The following RNF220 variants were observed in gnomAD, a reference collection of about 807,000 sequenced individuals.
RNF220 encodes E3 ubiquitin-protein ligase RNF220.
A neutral mutation model predicts 67.1 loss-of-function variants in RNF220; 7 were observed. The observed-to-expected ratio is 0.10, with a 90% CI of 0.06 to 0.20. The LOEUF is 0.20. RNF220 is among the 10% of genes least tolerant of loss of function. The pLI, the probability that RNF220 is intolerant of heterozygous loss-of-function variation, is 1.00. For synonymous variants in RNF220, 270 were observed against 283.2 expected (o/e 0.95, Z 0.47); for missense variants, 565 against 740.3 (o/e 0.76, Z 2.75).
intron 2 of RNF220, among the ~76,000 whole-genome samples, chr1:44,566,724 G>T (rs749348360): frequency 1.3e-5 from 2 of 151,966 alleles, no homozygotes; most frequent in African/African-American, 4.8e-5. Context: ...TTTGGAGGGC[G>T]GCTGCTAATG....
intron 2 of RNF220, among the ~76,000 whole-genome samples, chr1:44,598,079 C>G (rs1319882854): frequency 6.6e-6 from 1 of 152,074 alleles, no homozygotes; most frequent in Admixed American, 6.5e-5. Context: ...GTCAGGCCTC[C>G]AGATGTGCTC....
intron 2 of RNF220, among the ~76,000 whole-genome samples, chr1:44,566,831 T>A (rs774837736): frequency 1.3e-5 from 2 of 152,154 alleles, no homozygotes; most frequent in Non-Finnish European, 2.9e-5. Flanking sequence ...CAGTGACCTG[T>A]GGTCAAGAGG....
chr1:44,549,323 GAA>G (rs1662430321), intron 2 of RNF220, among the ~76,000 whole-genome samples: 1 of 152,236 alleles, frequency 6.6e-6, no homozygotes, highest in Non-Finnish European at 1.5e-5. Flanking sequence ...GAGGCTCTCT[GAA>G]CAATTGCTAA....
At position 44,426,401 on chromosome 1, in the gene RNF220, C is replaced by T. The variant is rs1304585158; in HGVS notation, c.625+13679C>T. 2.6e-5 allele frequency among the ~76,000 whole-genome samples: 4 copies of T among 152,082 alleles called. No homozygotes were observed. The East Asian group carries it at 7.7e-4, about 29-fold the overall frequency. On this transcript the variant is annotated intron_variant, in intron 2 of 14. Coordinates refer to ENST00000361799, the MANE Select transcript of RNF220 (RefSeq NM_018150.4). ...AAGATCTTTAGAAGTTAAAGCTGGG[C>T]CAGGAGGATTGGAAAGAGCAAGAAT...
chr1:44,511,446 AGT>A (rs1203629365), intron 2 of RNF220, among the ~76,000 whole-genome samples: 1 of 152,196 alleles, frequency 6.6e-6, no homozygotes, highest in East Asian at 1.9e-4. Flanking sequence ...AATGAAGAGA[AGT>A]GGGAGATTCA....
intron 2 of RNF220, among the ~76,000 whole-genome samples, chr1:44,508,752 G>C (rs1658675408): frequency 6.6e-6 from 1 of 152,188 alleles, no homozygotes; most frequent in Non-Finnish European, 1.5e-5. Context: ...GTGACCAGAA[G>C]AGGGCTTTCA....
intron 2 of RNF220, among the ~76,000 whole-genome samples, chr1:44,464,687 C>T (rs1266955505): frequency 6.6e-6 from 1 of 152,168 alleles, no homozygotes; most frequent in South Asian, 2.1e-4. Context: ...TCATTCAGTC[C>T]TCAACCCACG....
chr1:44,489,212 AAC>A (rs1192405668), intron 2 of RNF220, among the ~76,000 whole-genome samples: 2 of 152,192 alleles, frequency 1.3e-5, no homozygotes, highest in African/African-American at 4.8e-5. Flanking sequence ...CAAGTTCTAA[AAC>A]ACTGCTGGAG....
At chr1:44,572,214 ACTAC>A (rs1664490251) in intron 2 of RNF220, among the ~76,000 whole-genome samples, 1 of 152,224 alleles carries the variant, frequency 6.6e-6, no homozygotes, top group South Asian at 2.1e-4. Flanking sequence ...GTGACATTTG[ACTAC>A]CTTTGTGGCA....
intron 2 of RNF220, among the ~76,000 whole-genome samples, chr1:44,430,843 C>T (rs1650292235): frequency 6.6e-6 from 1 of 152,182 alleles, no homozygotes; most frequent in African/African-American, 2.4e-5. Context: ...CCACGCCCAG[C>T]CACCAAAAGT....
chr1:44,450,635 A>G (rs988116763), intron 2 of RNF220, among the ~76,000 whole-genome samples: 3 of 152,210 alleles, frequency 2.0e-5, no homozygotes, highest in African/African-American at 4.8e-5. Flanking sequence ...ATGTCAGTAC[A>G]TAATAGAATT....
At chr1:44,591,282 G>A (rs1435976770) in intron 2 of RNF220, among the ~76,000 whole-genome samples, 1 of 152,226 alleles carries the variant, frequency 6.6e-6, no homozygotes, top group Middle Eastern at 3.2e-3. Context: ...ACCCATTTGA[G>A]AAACCAAAAG....
intron 6 of RNF220, 36 bp from the exon 7 acceptor site, chr1:44,635,509 C>T (rs963680084): frequency 1.9e-6 from 3 of 1,608,954 alleles, no homozygotes; most frequent in Non-Finnish European, 2.5e-6. Flanking sequence ...TGACCGTCTG[C>T]TTGTTCTGTG....
intron 2 of RNF220, among the ~76,000 whole-genome samples, chr1:44,500,757 C>A (rs1194891114): frequency 6.6e-6 from 1 of 152,174 alleles, no homozygotes; most frequent in African/African-American, 2.4e-5. Context: ...CCAGACCATT[C>A]TAATTGCCGC....
At chr1:44,601,052 T>C (rs1444019314) in intron 2 of RNF220, among the ~76,000 whole-genome samples, 1 of 152,216 alleles carries the variant, frequency 6.6e-6, no homozygotes, top group African/African-American at 2.4e-5. Context: ...GCATCTGTTC[T>C]CTCACTAGAC....
At chr1:44,413,064 T>TG (rs757467035) in intron 2 of RNF220, among the ~76,000 whole-genome samples, 5 of 152,146 alleles carry the variant, frequency 3.3e-5, no homozygotes, top group Non-Finnish European at 5.9e-5. Context: ...CTAGGGAATT[T>TG]GGGGGGCCTA....
intron 2 of RNF220, among the ~76,000 whole-genome samples, chr1:44,602,803 T>TAG (rs1482948519): frequency 2.0e-5 from 3 of 152,068 alleles, no homozygotes; most frequent in African/African-American, 7.2e-5. Flanking sequence ...CACCTTCATT[T>TAG]CTCAGGTCAC....
At chr1:44,475,787 G>A (rs1655247297) in intron 2 of RNF220, among the ~76,000 whole-genome samples, 1 of 129,264 alleles carries the variant, frequency 7.7e-6, no homozygotes, top group South Asian at 2.1e-4. Flanking sequence ...GCCGAGGTAG[G>A]TGGATCATGA....
intron 3 of RNF220, among the ~76,000 whole-genome samples, chr1:44,614,929 G>A (rs936793718): frequency 2.6e-5 from 4 of 152,326 alleles, no homozygotes; most frequent in South Asian, 2.1e-4. Flanking sequence ...CATTGTGCTC[G>A]TGGAATCTGT....
Sources: gnomAD v4.1 joint callset for allele counts (sites outside exome capture counted in the v4.1 genomes callset) on GRCh38, gnomAD v4.1.1 for gene constraint, MANE v1.5 for transcripts, NCBI Gene and HGNC (gene_info 2026-07-23, HGNC 2026-07-21) for gene names.